HSPB8: variants seen among roughly 807,000 people sequenced by gnomAD.
The protein encoded by HSPB8 is heat shock protein family B (small) member 8.
A neutral mutation model predicts 16.5 loss-of-function variants in HSPB8; 9 were observed. That is an observed-to-expected ratio of 0.55 (90% CI 0.33 to 0.95). The LOEUF is 0.95. Ranked by LOEUF, HSPB8 falls within the 40% of genes least tolerant of loss-of-function variation. The probability of loss-of-function intolerance (pLI) is 0.03; values close to 1 mark genes in which losing one functional copy is unlikely to be tolerated. For synonymous variants in HSPB8, 99 were observed against 94.8 expected (o/e 1.04, Z -0.26); for missense variants, 238 against 251.2 (o/e 0.95, Z 0.35).
At chr12:119,185,166 T>A (rs11615311) in intron 1 of HSPB8, among the ~76,000 whole-genome samples, 7,200 of 151,856 alleles carry the variant, frequency 0.047, 211 homozygotes, top group Admixed American at 0.08. Flanking sequence ...TTGTTTTTTT[T>A]AAATTTAGAG....
chr12:119,189,215 A>G (rs1429605482), intron 2 of HSPB8, among the ~76,000 whole-genome samples: 2 of 152,070 alleles, frequency 1.3e-5, no homozygotes, highest in South Asian at 2.1e-4. Context: ...GTCAAGGCTC[A>G]AATGAGGTCT....
In HSPB8 at chr12:119,194,699, AAATAATTAAT is replaced by A. The variant is rs1344246841; in HGVS notation, c.*848_*857del. The A allele has an allele frequency of 9.2e-6, 2 of 217,450 alleles. No homozygotes were observed. The highest frequency in any genetic ancestry group is 1.2e-4 in the African/African-American group (2 of 17,124). 13.5% of individuals were successfully genotyped at this position (217,450 alleles called of 1,614,324 possible). ...CTGTTGTTTAGGGGTAAATAACAGT[AAATAATTAAT>A]AATAATAATAATAATAATAAAGGAG... On this transcript the variant is annotated 3_prime_UTR_variant, in exon 3 of 3. Coordinates refer to ENST00000281938, the MANE Select transcript of HSPB8 (RefSeq NM_014365.3).
intron 1 of HSPB8, among the ~76,000 whole-genome samples, chr12:119,184,560 T>C (rs1188028390): frequency 1.3e-5 from 2 of 152,188 alleles, no homozygotes; most frequent in Non-Finnish European, 2.9e-5. Context: ...TTGGTGGTCA[T>C]GGAGTTGGCA....
chr12:119,179,141 G>T lies in HSPB8; in HGVS notation c.-172G>T. The T allele has an allele frequency of 5.6e-6, 4 of 713,340 alleles. No individual in the cohort carries two copies. The highest frequency in any genetic ancestry group is 2.1e-5 in the Admixed American group (1 of 48,444). The allele number at this position is 713,340 out of a possible 1,614,324, so 44.2% of individuals were successfully genotyped here. On this transcript the variant is annotated 5_prime_UTR_variant, in exon 1 of 3. Coordinates refer to ENST00000281938, the MANE Select transcript of HSPB8 (RefSeq NM_014365.3). ...ACCTTTGGGGGCTGGGACCCCAGTCGAGGGGACACAACCGTCCCTGGCAGT... is the reference window on the plus strand; with the variant it reads ...ACCTTTGGGGGCTGGGACCCCAGTCTAGGGGACACAACCGTCCCTGGCAGT...
At position 119,179,528 on chromosome 12, in the gene HSPB8, C is replaced by T; in HGVS notation, c.216C>T (p.Gly72=). The T allele has an allele frequency of 1.2e-6, 2 of 1,613,806 alleles. No individual in the cohort carries two copies. Among genetic ancestry groups the T allele is most frequent in the Admixed American group, 1.7e-5 (1 of 60,008 alleles). Residue 72 remains glycine, a synonymous_variant, in exon 1 of 3, where the codon GGC becomes GGT. Transcript: ENST00000281938. ...GTLRSGMVPR[G]PTATARFGVP... is the part of the protein sequence containing the mutation. ...TAAGGTCGGGCATGGTGCCCCGGGG[C>T]CCCACTGCCACCGCCAGGTTTGGGG...
intron 2 of HSPB8, among the ~76,000 whole-genome samples, chr12:119,187,569 A>G (rs185983910): frequency 2.0e-5 from 3 of 152,144 alleles, no homozygotes; most frequent in East Asian, 3.9e-4. Flanking sequence ...TGTTGCCCAC[A>G]CTGGTCTTGA....
chr12:119,183,318 C>G (rs1275460364), intron 1 of HSPB8: 1 of 152,234 alleles, frequency 6.6e-6, no homozygotes, highest in Non-Finnish European at 1.5e-5. Flanking sequence ...CTACCCCCAT[C>G]CTGCAACCAC....
intron 2 of HSPB8, among the ~76,000 whole-genome samples, chr12:119,187,832 C>G (rs969293057): frequency 3.9e-5 from 6 of 152,210 alleles, no homozygotes; most frequent in Non-Finnish European, 8.8e-5. Flanking sequence ...GCTGCTTGCT[C>G]AGCCTCTGCC....
intron 1 of HSPB8, among the ~76,000 whole-genome samples, chr12:119,185,067 A>G (rs977720689): frequency 6.6e-6 from 1 of 152,188 alleles, no homozygotes; most frequent in Admixed American, 6.5e-5. Context: ...GTCGGAACAT[A>G]TAAAAGATAT....
intron 2 of HSPB8, among the ~76,000 whole-genome samples, chr12:119,191,428 G>A (rs140617858): frequency 1.3e-3 from 191 of 152,170 alleles, no homozygotes; most frequent in Admixed American, 2.5e-3. Flanking sequence ...CTTTGTCTCC[G>A]CTTCAAAAGC....
chr12:119,180,200 C>G (rs991303549), intron 1 of HSPB8, among the ~76,000 whole-genome samples: 1 of 152,218 alleles, frequency 6.6e-6, no homozygotes, highest in African/African-American at 2.4e-5. Context: ...TGAGTGCTAA[C>G]TATTCGCTCA....
chr12:119,194,361 AT>A lies in HSPB8; in HGVS notation c.*504del. The A allele has an allele frequency of 4.6e-6, 1 of 215,868 alleles. No individual in the cohort carries two copies. The highest frequency in any genetic ancestry group is 5.2e-5 in the Admixed American group (1 of 19,072). The allele number at this position is 215,868 out of a possible 1,614,324, so 13.4% of individuals were successfully genotyped here. A position where few individuals can be genotyped will look rare whatever the true frequency, so the allele number is the denominator to read the frequency against. ...AAAATGGGTGATATACAGGTCTTAT[AT>A]CCCCATATGGAATTTATCCATCAAC... On this transcript the variant is annotated 3_prime_UTR_variant, in exon 3 of 3. Transcript: ENST00000281938.
Position 119,194,116 on chromosome 12 carries a change from G to A in HSPB8, c.*258G>A. ...TTACCTTTTCTATCTTGATGAAAAT[G>A]TTGCACATTCTATAGTTGCAAAACA... is the stretch of plus-strand genomic sequence containing the variant. On this transcript the variant is annotated 3_prime_UTR_variant, in exon 3 of 3. Coordinates refer to ENST00000281938, the MANE Select transcript of HSPB8 (RefSeq NM_014365.3). The A allele has an allele frequency of 1.9e-6, 1 of 530,002 alleles. No individual in the cohort carries two copies. Among genetic ancestry groups the A allele is most frequent in the Non-Finnish European group, 3.4e-6 (1 of 293,162 alleles). The allele number at this position is 530,002 out of a possible 1,614,324, so 32.8% of individuals were successfully genotyped here.
intron 2 of HSPB8, among the ~76,000 whole-genome samples, chr12:119,190,847 C>T (rs940930266): frequency 6.6e-6 from 1 of 152,148 alleles, no homozygotes; most frequent in Non-Finnish European, 1.5e-5. Flanking sequence ...AGGCTAAAGG[C>T]GTTAAAGGCA....
chr12:119,181,741 G>A (rs994180912), intron 1 of HSPB8, among the ~76,000 whole-genome samples: 4 of 152,182 alleles, frequency 2.6e-5, no homozygotes, highest in East Asian at 1.9e-4. Flanking sequence ...CTAGCATGGC[G>A]GATGTGGACG....
At chr12:119,183,083 T>C (rs1954649795) in intron 1 of HSPB8, 1 of 152,230 alleles carries the variant, frequency 6.6e-6, no homozygotes, top group Non-Finnish European at 1.5e-5. Flanking sequence ...ACTAGGCATC[T>C]AGAAACAGGA....
chr12:119,194,354 G>C lies in HSPB8; in HGVS notation c.*496G>C. On this transcript the variant is annotated 3_prime_UTR_variant, in exon 3 of 3. Coordinates refer to ENST00000281938, the MANE Select transcript of HSPB8 (RefSeq NM_014365.3). ...CTGGCCTAAAATGGGTGATATACAGGTCTTATATCCCCATATGGAATTTAT... is the reference window on the plus strand; with the variant it reads ...CTGGCCTAAAATGGGTGATATACAGCTCTTATATCCCCATATGGAATTTAT... 1 of 221,238 alleles carries C rather than the reference G, an allele frequency of 4.5e-6. No individual in the cohort carries two copies. Among genetic ancestry groups the C allele is most frequent in the Non-Finnish European group, 9.0e-6 (1 of 111,010 alleles). The allele number at this position is 221,238 out of a possible 1,614,324, so 13.7% of individuals were successfully genotyped here.
chr12:119,189,248 C>T (rs1186228503), intron 2 of HSPB8, among the ~76,000 whole-genome samples: 1 of 151,134 alleles, frequency 6.6e-6, no homozygotes, highest in African/African-American at 2.4e-5. Context: ...ACAAGCAGGG[C>T]ATAGCTGTAA....
Position 119,179,433 on chromosome 12 carries a change from C to T in HSPB8, c.121C>T (p.Pro41Ser), listed in dbSNP as rs920906527. ...LDDGFGMDPF[P>S]DDLTASWPDW... ...TGATGGCTTTGGCATGGACCCCTTCCCAGACGACTTGACAGCCTCTTGGCC... is the reference window on the plus strand; with the variant it reads ...TGATGGCTTTGGCATGGACCCCTTCTCAGACGACTTGACAGCCTCTTGGCC... The change falls in exon 1 of 3, where the codon CCA (proline) becomes TCA (serine). Residue 41 changes from proline (P) to serine (S), a missense_variant. By Grantham distance (74) the Pro-to-Ser change is moderately conservative. Coordinates refer to ENST00000281938, the MANE Select transcript of HSPB8 (RefSeq NM_014365.3). 2 of 1,614,176 alleles carry T rather than the reference C, an allele frequency of 1.2e-6. No individual in the cohort carries two copies. The highest frequency in any genetic ancestry group is 3.3e-5 in the Admixed American group (2 of 60,032).
Sources: gnomAD v4.1 joint callset for allele counts (sites outside exome capture counted in the v4.1 genomes callset) on GRCh38, gnomAD v4.1.1 for gene constraint, MANE v1.5 for transcripts, NCBI Gene and HGNC (gene_info 2026-07-23, HGNC 2026-07-21) for gene names.